VPS8: variants seen among roughly 807,000 people sequenced by gnomAD.
VPS8 encodes vacuolar protein sorting-associated protein 8 homolog.
VPS8 carries 129 observed loss-of-function variants against 216.4 expected under a neutral mutation model. That is an observed-to-expected ratio of 0.60 (90% CI 0.52 to 0.69). The LOEUF is 0.69. Among genes scored for constraint, VPS8 ranks in the 30% least tolerant of loss-of-function variants. The pLI, the probability that VPS8 is intolerant of heterozygous loss-of-function variation, is 0.00. For missense variants in VPS8, 1,531 were observed against 1,683.5 expected, an observed-to-expected ratio of 0.91 and a Z score of 1.59; for synonymous variants, 571 against 565.4, an observed-to-expected ratio of 1.01 and a Z score of -0.14.
intron 36 of VPS8, 82 bp downstream of exon 36, chr3:184,940,325 A>G: frequency 3.9e-6 from 2 of 509,416 alleles, no homozygotes; most frequent in Non-Finnish European, 5.9e-6. Context: ...TTACCAGCCC[A>G]TGGTATCTAA....
At chr3:184,843,117 C>A in intron 7 of VPS8, 123 bp from the exon 8 acceptor site, 1 of 595,970 alleles carries the variant, frequency 1.7e-6, no homozygotes, top group Non-Finnish European at 2.6e-6. Context: ...GTATCATTCC[C>A]ACAGATAACT....
At chr3:185,026,779 G>A (rs1479964941) in intron 46 of VPS8, among the ~76,000 whole-genome samples, 1 of 146,370 alleles carries the variant, frequency 6.8e-6, no homozygotes, top group Admixed American at 7.0e-5. Flanking sequence ...CACAATCTTG[G>A]CTCACTGCAA....
At chr3:184,910,689 C>T (rs779773366) in intron 25 of VPS8, among the ~76,000 whole-genome samples, 3 of 152,096 alleles carry the variant, frequency 2.0e-5, no homozygotes, top group African/African-American at 4.8e-5. Flanking sequence ...TTCGTGGTTC[C>T]CTGACCTCAC....
chr3:185,029,424 A>G (rs59413618), intron 46 of VPS8, among the ~76,000 whole-genome samples: 14,702 of 152,178 alleles, frequency 0.097, 1,682 homozygotes, highest in African/African-American at 0.28. Context: ...AGTGCTAAGG[A>G]AACCAGAGTC....
chr3:184,969,267 G>A (rs1747946032), intron 39 of VPS8, among the ~76,000 whole-genome samples: 2 of 151,384 alleles, frequency 1.3e-5, no homozygotes, highest in South Asian at 4.2e-4. Context: ...ATAGGTGCGT[G>A]CCACCACACC....
At chr3:184,962,761 G>GTGTGTGTGTGTGTGTTTGTT (rs1324151343) in intron 37 of VPS8, among the ~76,000 whole-genome samples, 4 of 93,134 alleles carry the variant, frequency 4.3e-5, no homozygotes, top group African/African-American at 1.3e-4. Flanking sequence ...GTGTGTGTGT[G>GTGTGTGTGTGTGTGTTTGTT]TGTGTCTTAT....
At chr3:184,867,081 G>T in intron 17 of VPS8, 131 bp downstream of exon 17, 1 of 718,660 alleles carries the variant, frequency 1.4e-6, no homozygotes, top group Non-Finnish European at 2.2e-6. Flanking sequence ...ACCCTTTGTG[G>T]TTAGGTAGGC....
intron 3 of VPS8, 46 bp from the exon 4 acceptor site, chr3:184,832,643 G>A: frequency 6.5e-7 from 1 of 1,534,996 alleles, no homozygotes; most frequent in Non-Finnish European, 8.8e-7. Context: ...TCATTTCATA[G>A]AGTATTTGGA....
intron 1 of VPS8, among the ~76,000 whole-genome samples, chr3:184,818,303 G>A (rs527833771): frequency 2.5e-4 from 38 of 152,034 alleles, no homozygotes; most frequent in Non-Finnish European, 3.8e-4. Flanking sequence ...AGGCTGAGGC[G>A]GTCAGATGGC....
At chr3:184,966,856 AT>A (rs1370278276) in intron 39 of VPS8, 143 bp downstream of exon 39, 5 of 506,354 alleles carry the variant, frequency 9.9e-6, no homozygotes, top group Non-Finnish European at 1.6e-5. Context: ...ATGGATCCAA[AT>A]TTTAGCTAAT....
At chr3:184,941,576 G>A (rs1031558421) in intron 36 of VPS8, among the ~76,000 whole-genome samples, 1 of 151,976 alleles carries the variant, frequency 6.6e-6, no homozygotes, top group African/African-American at 2.4e-5. Context: ...GGTAGGGAGA[G>A]CTGGGAGGGG....
At chr3:184,895,577 TTCCTCCTCCTGC>T (rs1320163320) in intron 23 of VPS8, among the ~76,000 whole-genome samples, 4 of 110,782 alleles carry the variant, frequency 3.6e-5, no homozygotes, top group Non-Finnish European at 7.4e-5. Context: ...AATTTATTTT[TTCCTCCTCCTGC>T]TCCTCCTCCT....
In VPS8 at chr3:184,870,800, T is replaced by A. The variant is rs1351566901; in HGVS notation, c.1729T>A (p.Phe577Ile). The A allele has an allele frequency of 6.2e-7, 1 of 1,610,594 alleles. No homozygotes were observed. ...QGKIQVMEQHFQDMVPVIVDY... is the reference protein window; with the variant it reads ...QGKIQVMEQHIQDMVPVIVDY... ...AAAAATCCAAGTGATGGAGCAGCAT[T>A]TTCAGGTACACATTGCATGTGCTTC... Residue 577 changes from phenylalanine to isoleucine, a missense_variant, in exon 21 of 48, where the codon TTT (phenylalanine) becomes ATT (isoleucine). By Grantham distance (21) the Phe-to-Ile change is conservative. Around this residue, in one of 3 missense-constraint regions of VPS8, gnomAD observed 1,318 missense variants for 1,468.4 expected, o/e 0.90. Transcript: ENST00000625842.
chr3:184,960,773 G>C (rs1451415607), intron 37 of VPS8, among the ~76,000 whole-genome samples: 1 of 152,174 alleles, frequency 6.6e-6, no homozygotes, highest in Non-Finnish European at 1.5e-5. Flanking sequence ...TAAAAGATTG[G>C]ATCAGAATAG....
chr3:185,034,314 T>C (rs1202309406), intron 46 of VPS8, among the ~76,000 whole-genome samples: 1 of 152,164 alleles, frequency 6.6e-6, no homozygotes, highest in Non-Finnish European at 1.5e-5. Flanking sequence ...ACGTCCTTGC[T>C]ATTGTGAGTA....
intron 2 of VPS8, 38 bp from the exon 3 acceptor site, chr3:184,826,125 G>C: frequency 6.9e-7 from 1 of 1,449,892 alleles, no homozygotes; most frequent in Non-Finnish European, 9.5e-7. Flanking sequence ...AAGCAGAAAG[G>C]CATCATTTTG....
At chr3:184,868,707 T>A (rs1379672778) in intron 18 of VPS8, among the ~76,000 whole-genome samples, 1 of 152,262 alleles carries the variant, frequency 6.6e-6, no homozygotes, top group African/African-American at 2.4e-5. Context: ...ACAATGGCAT[T>A]CCAGCTATTT....
chr3:184,916,077 T>G (rs1737517082), intron 28 of VPS8, among the ~76,000 whole-genome samples: 1 of 152,076 alleles, frequency 6.6e-6, no homozygotes, highest in Non-Finnish European at 1.5e-5. Context: ...AAGGAGAACT[T>G]AGGGCCTGGC....
rs537999702 is a variant in VPS8, at chr3:184,824,662, G to A, written c.30G>A (p.Val10=). The part of the protein sequence containing the change: MENEPDHEN[V]EQSLCAKTSE... Reference sequence around the variant, plus strand: ...AAAATGAACCAGACCATGAAAATGTGGAACAGAGCCTCTGTGCCAAGACGA... The same window carrying A: ...AAAATGAACCAGACCATGAAAATGTAGAACAGAGCCTCTGTGCCAAGACGA... The change falls in exon 2 of 48, where the codon GTG becomes GTA. Residue 10 remains valine (V), a synonymous_variant. Transcript: ENST00000625842. The A allele has an allele frequency of 3.7e-6, 6 of 1,613,860 alleles. No individual in the cohort carries two copies. The East Asian group carries it at 1.1e-4, about 30-fold the overall frequency.
Sources: allele counts gnomAD v4.1 joint callset (sites outside exome capture counted in the v4.1 genomes callset), GRCh38; gene constraint gnomAD v4.1.1; regional missense constraint gnomAD v4.1.1; transcripts MANE v1.5; gene names NCBI Gene and HGNC (gene_info 2026-07-23, HGNC 2026-07-21).